Variants in UBR3 observed in about 807,000 individuals in gnomAD.
UBR3 encodes E3 ubiquitin-protein ligase UBR3.
In UBR3, 85 loss-of-function variants were observed where a neutral mutation model predicts 243.2. That is an observed-to-expected ratio of 0.35 (90% CI 0.29 to 0.42). UBR3 has a LOEUF of 0.42. Among genes scored for constraint, UBR3 ranks in the 10% least tolerant of loss-of-function variants. The pLI, the probability that UBR3 is intolerant of heterozygous loss-of-function variation, is 1.00. For synonymous variants in UBR3, 748 were observed against 799.8 expected (o/e 0.94, Z 1.09); for missense variants, 1,686 against 2,300.8 (o/e 0.73, Z 5.47).
chr2:170,026,868 G>A lies in UBR3; in HGVS notation c.4454-2478G>A, dbSNP rs192020364. 3.6e-4 allele frequency among the ~76,000 whole-genome samples: 55 copies of A among 151,820 alleles called. 1 individual carries two copies. In the Middle Eastern group the frequency reaches 0.01, roughly 28 times the overall value. On this transcript the variant is annotated intron_variant, in intron 30 of 38. Transcript: ENST00000272793. ...TGATTATAGATTCTCTTCATCCTAC[G>A]TCTTTAATATTCATCTGGTATAAGA... is the stretch of plus-strand genomic sequence containing the variant.
At chr2:169,829,961 A>T (rs1250084067) in intron 1 of UBR3, among the ~76,000 whole-genome samples, 1 of 151,562 alleles carries the variant, frequency 6.6e-6, no homozygotes, top group Non-Finnish European at 1.5e-5. Context: ...GTCTCTTTTT[A>T]TGCAAAGGGT....
chr2:169,933,468 C>T (rs989022129), intron 19 of UBR3, among the ~76,000 whole-genome samples: 10 of 152,040 alleles, frequency 6.6e-5, no homozygotes, highest in Admixed American at 3.9e-4. Flanking sequence ...AAATAGTTTA[C>T]GGTATTGATG....
chr2:170,010,367 C>G (rs796245014), intron 29 of UBR3, among the ~76,000 whole-genome samples: 10 of 152,140 alleles, frequency 6.6e-5, no homozygotes, highest in African/African-American at 2.4e-4. Context: ...AATCACAGAC[C>G]TACACACATT....
intron 21 of UBR3, 77 bp downstream of exon 21, chr2:169,946,469 C>A: frequency 1.5e-6 from 1 of 648,868 alleles, no homozygotes; most frequent in Non-Finnish European, 2.5e-6. Flanking sequence ...CCAAACCAGG[C>A]ATGTTATACT....
intron 10 of UBR3, among the ~76,000 whole-genome samples, chr2:169,913,696 A>G (rs543275617): frequency 2.0e-5 from 3 of 152,212 alleles, no homozygotes; most frequent in African/African-American, 7.2e-5. Context: ...TCCATGTCCA[A>G]TACTTTTTTG....
intron 29 of UBR3, among the ~76,000 whole-genome samples, chr2:170,013,163 A>G (rs550680560): frequency 8.9e-4 from 136 of 152,298 alleles, no homozygotes; most frequent in African/African-American, 3.1e-3. Context: ...ATTGAGGAGG[A>G]AAGAAACATA....
intron 35 of UBR3, among the ~76,000 whole-genome samples, chr2:170,064,438 C>G (rs10172416): frequency 0.77 from 116,769 of 151,836 alleles, 45,633 homozygotes; most frequent in East Asian, 0.88. Context: ...TCCTTTTCCA[C>G]CCTAAAATTA....
intron 31 of UBR3, among the ~76,000 whole-genome samples, chr2:170,040,113 T>G (rs1165413949): frequency 6.6e-6 from 1 of 152,122 alleles, no homozygotes; most frequent in East Asian, 1.9e-4. Flanking sequence ...TATTTGAATT[T>G]TGTTAGTTAT....
At chr2:170,072,220 C>A (rs547857523) in intron 35 of UBR3, among the ~76,000 whole-genome samples, 1 of 152,126 alleles carries the variant, frequency 6.6e-6, no homozygotes, top group Non-Finnish European at 1.5e-5. Flanking sequence ...GGCACATATA[C>A]GCCATGGAAT....
At chr2:169,872,472 T>C in intron 2 of UBR3, 97 bp downstream of exon 2, 1 of 900,806 alleles carries the variant, frequency 1.1e-6, no homozygotes, top group Non-Finnish European at 1.6e-6. Flanking sequence ...AGATATCTTT[T>C]TTTGTTTAAC....
Position 169,950,054 on chromosome 2 carries a change from C to T in UBR3, c.3534C>T (p.Asp1178=). The change falls in exon 23 of 39, where the codon GAC becomes GAT. Residue 1178 remains aspartate (D), a synonymous_variant. Transcript: ENST00000272793. ...KVTAAEKKTL[D]KEERRQKARE... ...CTGCAGCAGAGAAGAAAACATTGGA[C>T]AAAGAAGAAAGGTAATTTTTATTTT... 1 of 1,549,328 alleles carries T rather than the reference C, an allele frequency of 6.5e-7. No individual in the cohort carries two copies.
Position 169,879,860 on chromosome 2 carries a change from G to A in UBR3, c.1038+1286G>A, listed in dbSNP as rs2083755995. Among the ~76,000 whole-genome samples, 3 of 152,038 alleles carry A rather than the reference G, an allele frequency of 2.0e-5. No homozygotes were observed. The South Asian group carries it at 6.2e-4, about 32-fold the overall frequency. On this transcript the variant is annotated intron_variant, in intron 5 of 38. Coordinates refer to ENST00000272793, the MANE Select transcript of UBR3 (RefSeq NM_172070.4). ...GAATCATATTGTTACAATGACAAAT[G>A]GGAAAAATTTTCTGATATTTAAAAT... is the stretch of plus-strand genomic sequence containing the variant.
At chr2:170,079,451 C>T (rs1292222204) in intron 36 of UBR3, among the ~76,000 whole-genome samples, 3 of 152,076 alleles carry the variant, frequency 2.0e-5, no homozygotes, top group African/African-American at 4.8e-5. Context: ...TTAAAAAATA[C>T]GTAACTTTTA....
chr2:169,888,902 A>G (rs1029912196), intron 5 of UBR3, among the ~76,000 whole-genome samples: 2 of 152,084 alleles, frequency 1.3e-5, no homozygotes, highest in Non-Finnish European at 2.9e-5. Context: ...ATCATCTACT[A>G]TTGGAAACCA....
rs965835269 is a variant in UBR3 at position 169,875,215 on chromosome 2, G to A, written c.686-576G>A. ...TCTCAATGTATTTGAATTATATCTT[G>A]TTTTATTCTAGGATGTGATCTAAAC... On this transcript the variant is annotated intron_variant, in intron 2 of 38. Coordinates refer to ENST00000272793, the MANE Select transcript of UBR3 (RefSeq NM_172070.4). Among the ~76,000 whole-genome samples, 4 of 151,968 alleles carry A rather than the reference G, an allele frequency of 2.6e-5. 1 individual carries two copies. The highest frequency in any genetic ancestry group is 5.9e-5 in the Non-Finnish European group (4 of 67,986).
chr2:169,936,695 C>A (rs1048575183), intron 19 of UBR3, among the ~76,000 whole-genome samples: 2 of 151,934 alleles, frequency 1.3e-5, no homozygotes, highest in African/African-American at 4.8e-5. Context: ...CAACAGGGCC[C>A]GGTGTGTGAT....
intron 24 of UBR3, among the ~76,000 whole-genome samples, chr2:169,983,263 T>TTTTTTTTTTC (rs2088838013): frequency 6.9e-6 from 1 of 144,168 alleles, no homozygotes; most frequent in African/African-American, 2.6e-5. Context: ...TTTTTTTTTT[T>TTTTTTTTTTC]TTTTTTTTTT....
intron 24 of UBR3, among the ~76,000 whole-genome samples, chr2:169,974,648 A>G (rs1236787032): frequency 6.6e-6 from 1 of 151,804 alleles, no homozygotes; most frequent in Non-Finnish European, 1.5e-5. Context: ...TTAACTCTCA[A>G]TTTTATTTAT....
Position 169,895,271 on chromosome 2 carries a change from T to C in UBR3, c.1196T>C (p.Val399Ala). The C allele has an allele frequency of 6.5e-7, 1 of 1,545,654 alleles. No individual in the cohort carries two copies. Among genetic ancestry groups the C allele is most frequent in the Non-Finnish European group, 8.7e-7 (1 of 1,145,428 alleles). ...TIKYEFPQKM[V>A]TFLLNMLPDQ... ...AAATATGAATTCCCTCAAAAGATGG[T>C]AACTTTCTTACTCAACATGCTTCCA... The change falls in exon 7 of 39, where the codon GTA becomes GCA. Residue 399 changes from valine (V) to alanine (A), a missense_variant. Physicochemically the swap from Val to Ala is moderately conservative, Grantham distance 64. Transcript: ENST00000272793.
Sources: gnomAD v4.1 joint callset for allele counts (sites outside exome capture counted in the v4.1 genomes callset) on GRCh38, gnomAD v4.1.1 for gene constraint, MANE v1.5 for transcripts, NCBI Gene and HGNC (gene_info 2026-07-23, HGNC 2026-07-21) for gene names.